Variants in SRFBP1 observed in about 807,000 individuals in gnomAD.
SRFBP1 encodes serum response factor binding protein 1.
In SRFBP1, 47 loss-of-function variants were observed where a neutral mutation model predicts 45.5. The ratio of observed to expected loss-of-function variants is 1.03; its 90% confidence interval spans 0.82 to 1.32. The LOEUF (loss-of-function observed/expected upper bound fraction) is 1.32, where lower values mean the gene tolerates loss of function less well. SRFBP1 is among the 40% of genes most tolerant of loss of function. The pLI, the probability that SRFBP1 is intolerant of heterozygous loss-of-function variation, is 0.00. For synonymous variants in SRFBP1, 203 were observed against 166.3 expected (o/e 1.22, Z -1.70); for missense variants, 621 against 484.6 (o/e 1.28, Z -2.64).
intron 4 of SRFBP1, among the ~76,000 whole-genome samples, chr5:122,011,829 G>C (rs77257196): frequency 0.038 from 5,835 of 152,088 alleles, 326 homozygotes; most frequent in African/African-American, 0.12. Context: ...AGTTTCTGCA[G>C]TAACCCAGTG....
At chr5:122,014,768 C>T (rs569412780) in intron 4 of SRFBP1, among the ~76,000 whole-genome samples, 3 of 152,196 alleles carry the variant, frequency 2.0e-5, no homozygotes, top group East Asian at 1.9e-4. Flanking sequence ...ATAGCATTTA[C>T]CCCGGAGTCC....
chr5:122,078,260 G>C (rs1561421926), downstream of SRFBP1: 1 of 380,132 alleles, frequency 2.6e-6, no homozygotes, highest in African/African-American at 2.1e-5. Flanking sequence ...GGCAGTGTCT[G>C]GAGTGAAGGA....
intron 4 of SRFBP1, among the ~76,000 whole-genome samples, chr5:122,000,605 G>A (rs1003348381): frequency 6.6e-6 from 1 of 151,932 alleles, no homozygotes; most frequent in Non-Finnish European, 1.5e-5. Context: ...TTGTCATCTA[G>A]CTTCTTTAAT....
chr5:122,042,903 A>G (rs1173998661), intron 2 of SRFBP1, among the ~76,000 whole-genome samples: 4 of 152,174 alleles, frequency 2.6e-5, no homozygotes, highest in African/African-American at 9.7e-5. Flanking sequence ...CCTACCAAAT[A>G]ATATATAGGC....
chr5:121,997,994 A>G (rs1418356876), intron 4 of SRFBP1, among the ~76,000 whole-genome samples: 4 of 151,810 alleles, frequency 2.6e-5, no homozygotes, highest in Non-Finnish European at 2.9e-5. Flanking sequence ...TAGAATGGCA[A>G]TCATTAAAAA....
At chr5:122,078,533 C>A (rs937103225), downstream of SRFBP1, among the ~76,000 whole-genome samples, 1 of 152,088 alleles carries the variant, frequency 6.6e-6, no homozygotes, top group Admixed American at 6.5e-5. Context: ...GCAGGAATTT[C>A]AAAAAACTCA....
rs1254925621 is a variant in SRFBP1 at position 122,035,105 on chromosome 5, G to A, written n.311+12698G>A. On this transcript the variant is annotated intron_variant and non_coding_transcript_variant, in intron 2 of 2. Transcript: ENST00000504881. Reference sequence around the variant, plus strand: ...CACAAGTCACAGTGAGTCTTCACCTGTGTCCTGAGTGACAGTGTTTGATGT... The same window carrying A: ...CACAAGTCACAGTGAGTCTTCACCTATGTCCTGAGTGACAGTGTTTGATGT... 3.9e-5 allele frequency among the ~76,000 whole-genome samples: 6 copies of A among 151,964 alleles called. No individual in the cohort carries two copies. In the East Asian group the frequency reaches 1.2e-3, roughly 29 times the overall value.
intron 7 of SRFBP1, 62 bp from the exon 8 acceptor site, chr5:122,026,880 T>C (rs754702309): frequency 9.1e-7 from 1 of 1,103,498 alleles, no homozygotes; most frequent in Non-Finnish European, 1.2e-6. Flanking sequence ...AAAGATGAAA[T>C]TTACTTCTCC....
intron 2 of SRFBP1, among the ~76,000 whole-genome samples, chr5:122,036,046 G>T (rs1753688572): frequency 6.6e-6 from 1 of 152,214 alleles, no homozygotes; most frequent in African/African-American, 2.4e-5. Context: ...CAAGTATACA[G>T]GAAGGGGTTA....
chr5:122,074,290 T>A (rs756280949), intron 2 of SRFBP1: 5 of 767,210 alleles, frequency 6.5e-6, no homozygotes, highest in Non-Finnish European at 1.0e-5. Flanking sequence ...GAGACCAAAT[T>A]TATCTTCTAA....
At chr5:122,040,111 T>G (rs1414235915) in intron 2 of SRFBP1, among the ~76,000 whole-genome samples, 2 of 152,164 alleles carry the variant, frequency 1.3e-5, no homozygotes, top group Non-Finnish European at 2.9e-5. Context: ...AATCAATTTG[T>G]GAAATTTTAT....
intron 7 of SRFBP1, among the ~76,000 whole-genome samples, chr5:122,023,541 A>G (rs1415482897): frequency 6.6e-6 from 1 of 152,212 alleles, no homozygotes; most frequent in Non-Finnish European, 1.5e-5. Flanking sequence ...GGCACACAAC[A>G]GGTCTACTAT....
intron 4 of SRFBP1, among the ~76,000 whole-genome samples, chr5:122,010,661 G>A (rs1296325019): frequency 6.6e-6 from 1 of 151,962 alleles, no homozygotes; most frequent in Non-Finnish European, 1.5e-5. Context: ...TCACAGTAAT[G>A]TTCACATATA....
At chr5:121,986,368 G>T (rs910813578) in intron 3 of SRFBP1, among the ~76,000 whole-genome samples, 8 of 152,024 alleles carry the variant, frequency 5.3e-5, no homozygotes, top group Non-Finnish European at 5.9e-5. Context: ...AAAAGCCAAT[G>T]AAGTGAGTTG....
chr5:122,063,820 C>T (rs918743721), intron 2 of SRFBP1: 1 of 151,566 alleles, frequency 6.6e-6, no homozygotes, highest in African/African-American at 2.4e-5. Flanking sequence ...TTCTAGAATC[C>T]GAATATTGGG....
chr5:122,060,424 C>G (rs762518272), intron 2 of SRFBP1, among the ~76,000 whole-genome samples: 2 of 152,034 alleles, frequency 1.3e-5, no homozygotes, highest in African/African-American at 2.4e-5. Flanking sequence ...ATCACACCCA[C>G]ACATAAGCCA....
At position 122,073,085 on chromosome 5, in the gene SRFBP1, G is replaced by C. The variant is rs543540037; in HGVS notation, n.312-2230G>C. On this transcript the variant is annotated intron_variant and non_coding_transcript_variant, in intron 2 of 2. Transcript: ENST00000504881. ...GAGAAAAAAGCAATGGTAACATTTA[G>C]GTCACCAAACAGCTTCCTGCCACAG... Among the ~76,000 whole-genome samples the C allele has an allele frequency of 5.3e-5, 8 of 152,230 alleles. No individual in the cohort carries two copies. In the East Asian group the frequency reaches 1.5e-3, roughly 29 times the overall value.
chr5:122,027,085 A>G lies in SRFBP1; in HGVS notation c.1249A>G (p.Ile417Val). Residue 417 changes from isoleucine (I) to valine (V), a missense_variant, in exon 8 of 8, where the codon ATT becomes GTT. Transcript: ENST00000339397. ...SRRRKEQQSN[I>V]AVFQGKKITF... ...AAGGCGAAAAGAACAGCAATCTAATATTGCTGTGTTTCAGGGGAAAAAAAT... is the reference window on the plus strand; with the variant it reads ...AAGGCGAAAAGAACAGCAATCTAATGTTGCTGTGTTTCAGGGGAAAAAAAT... 6.2e-7 allele frequency: 1 copy of G among 1,611,830 alleles called. No homozygotes were observed. Among genetic ancestry groups the G allele is most frequent in the Non-Finnish European group, 8.5e-7 (1 of 1,179,352 alleles).
intron 4 of SRFBP1, among the ~76,000 whole-genome samples, chr5:121,995,428 G>A (rs1052742160): frequency 1.5e-4 from 23 of 152,168 alleles, no homozygotes; most frequent in African/African-American, 4.1e-4. Context: ...GGTACACAAC[G>A]AAATGAAGGC....
Sources: allele counts gnomAD v4.1 joint callset (sites outside exome capture counted in the v4.1 genomes callset), GRCh38; gene constraint gnomAD v4.1.1; transcripts MANE v1.5; gene names NCBI Gene and HGNC (gene_info 2026-07-23, HGNC 2026-07-21).